The following ABHD12 variants were observed in gnomAD, a reference collection of about 807,000 sequenced individuals.
ABHD12 encodes the protein abhydrolase domain containing 12, lysophospholipase.
Under a neutral mutation model 58.3 loss-of-function variants are expected in ABHD12, and 43 were observed. That is an observed-to-expected ratio of 0.74 (90% confidence interval 0.58 to 0.95). The LOEUF is 0.95. ABHD12 is among the 40% of genes least tolerant of loss of function. The probability of loss-of-function intolerance (pLI) is 0.00; values close to 1 mark genes in which losing one functional copy is unlikely to be tolerated. For missense variants in ABHD12, 539 were observed against 537.2 expected (o/e 1.00, Z -0.03); for synonymous variants, 219 against 211.2 (o/e 1.04, Z -0.32).
At chr20:25,294,850 C>G (rs139575896) in exon 13 of ABHD12, 6 of 1,082,434 alleles carry the variant, frequency 5.5e-6, no homozygotes, top group Admixed American at 5.2e-5. Context: ...AGTTCTTCAC[C>G]GTTGGCAAAA....
chr20:25,322,381 A>ATATATATATATATATTTTTTTTTTT, intron 3 of ABHD12, among the ~76,000 whole-genome samples: 16 of 59,248 alleles, frequency 2.7e-4, no homozygotes, highest in Non-Finnish European at 3.8e-4. Context: ...ATATATATAT[A>ATATATATATATATATTTTTTTTTTT]TTTTTTTTTT....
intron 1 of ABHD12, among the ~76,000 whole-genome samples, chr20:25,377,888 G>C (rs896663799): frequency 2.0e-5 from 3 of 152,260 alleles, no homozygotes; most frequent in African/African-American, 7.2e-5. Context: ...AGGATAGACG[G>C]GGTTTCACCA....
intron 2 of ABHD12, among the ~76,000 whole-genome samples, chr20:25,333,806 C>T (rs983836374): frequency 2.0e-5 from 3 of 151,838 alleles, no homozygotes; most frequent in African/African-American, 7.3e-5. Flanking sequence ...TGGGACACAT[C>T]TCAAAATAAT....
At chr20:25,371,067 C>T (rs1302463234) in intron 1 of ABHD12, among the ~76,000 whole-genome samples, 1 of 152,064 alleles carries the variant, frequency 6.6e-6, no homozygotes, top group Admixed American at 6.5e-5. Context: ...CTGCAACTTA[C>T]CAGAAGCTAT....
chr20:25,388,762 GT>G (rs149328431), intron 1 of ABHD12, among the ~76,000 whole-genome samples: 7,602 of 150,212 alleles, frequency 0.051, 210 homozygotes, highest in Middle Eastern at 0.12. Context: ...TTCCCCAAAC[GT>G]TGTGTAAAAC....
At chr20:25,313,465 T>C (rs1352994705) in intron 6 of ABHD12, among the ~76,000 whole-genome samples, 2 of 151,676 alleles carry the variant, frequency 1.3e-5, no homozygotes, top group Non-Finnish European at 3.0e-5. Context: ...CAGGGTCCTC[T>C]GCCTAGGAAA....
intron 4 of ABHD12, 32 bp from the exon 5 acceptor site, chr20:25,317,110 C>T (rs780720682): frequency 2.0e-5 from 32 of 1,591,926 alleles, no homozygotes; most frequent in Non-Finnish European, 2.5e-5. Flanking sequence ...GGTGTGAGCA[C>T]ATCTTCTCAG....
At chr20:25,373,917 T>C (rs1002142584) in intron 1 of ABHD12, among the ~76,000 whole-genome samples, 8 of 152,120 alleles carry the variant, frequency 5.3e-5, no homozygotes, top group South Asian at 2.1e-4. Flanking sequence ...TCCCATAGCA[T>C]AGTGATGCAT....
At chr20:25,390,489 C>CCCCCCCCCCCCCCCCCA in intron 1 of ABHD12, 24 bp downstream of exon 1, 1 of 1,271,062 alleles carries the variant, frequency 7.9e-7, no homozygotes, top group Non-Finnish European at 1.0e-6. Context: ...CCCCCCCCCC[C>CCCCCCCCCCCCCCCCCA]CCCCGCTCCG....
At chr20:25,343,338 T>G (rs931282991) in intron 1 of ABHD12, among the ~76,000 whole-genome samples, 2 of 152,196 alleles carry the variant, frequency 1.3e-5, no homozygotes, top group Non-Finnish European at 2.9e-5. Flanking sequence ...AACAATCTCT[T>G]TTTAACTTAT....
intron 1 of ABHD12, among the ~76,000 whole-genome samples, chr20:25,381,725 A>G (rs1006329161): frequency 6.7e-6 from 1 of 148,796 alleles, no homozygotes; most frequent in African/African-American, 2.5e-5. Context: ...TGCAGCCTCC[A>G]CCTCCTGGGT....
At chr20:25,385,355 A>AG (rs2090075228) in intron 1 of ABHD12, among the ~76,000 whole-genome samples, 15 of 136,186 alleles carry the variant, frequency 1.1e-4, no homozygotes, top group African/African-American at 4.0e-4. Flanking sequence ...AAAAAAAAAA[A>AG]GAGGAAAACG....
chr20:25,385,263 G>GGAGGC (rs1483460874), intron 1 of ABHD12, among the ~76,000 whole-genome samples: 2 of 150,504 alleles, frequency 1.3e-5, no homozygotes, highest in Non-Finnish European at 2.9e-5. Flanking sequence ...CTTGAAACTG[G>GGAGGC]GAGGCGGAGG....
chr20:25,300,209 A>G (rs1294507920), downstream of ABHD12: 1 of 996,016 alleles, frequency 1.0e-6, no homozygotes, highest in Non-Finnish European at 1.2e-6. Flanking sequence ...GCAGAGAGAC[A>G]AAAGGACCAC....
chr20:25,320,377 C>A (rs948066139), intron 3 of ABHD12, 59 bp from the exon 4 acceptor site: 3 of 1,605,304 alleles, frequency 1.9e-6, no homozygotes, highest in Non-Finnish European at 1.7e-6. Context: ...CTCATCCTGG[C>A]GACTGCACGT....
Position 25,388,168 on chromosome 20 carries a change from T to C in ABHD12, c.191+2345A>G, listed in dbSNP as rs145492784. On this transcript the variant is annotated intron_variant, in intron 1 of 12. Coordinates refer to ENST00000339157, the MANE Select transcript of ABHD12 (RefSeq NM_001042472.3). ...GACACATGAAGAAGGCTCATTAGAT[T>C]GTCTTCTCTACTTCCACGTATGTCG... Among the ~76,000 whole-genome samples the C allele has an allele frequency of 1.8e-4, 28 of 151,658 alleles. No individual in the cohort carries two copies. In the East Asian group the frequency reaches 4.6e-3, roughly 25 times the overall value.
At chr20:25,319,617 A>C (rs1189131033) in intron 4 of ABHD12, among the ~76,000 whole-genome samples, 1 of 152,236 alleles carries the variant, frequency 6.6e-6, no homozygotes, top group African/African-American at 2.4e-5. Context: ...CACTTCAGGC[A>C]GCATGACAGA....
chr20:25,307,606 C>G (rs1189809527), intron 9 of ABHD12, among the ~76,000 whole-genome samples: 2 of 152,260 alleles, frequency 1.3e-5, no homozygotes, highest in East Asian at 1.9e-4. Flanking sequence ...CTGGTCCACA[C>G]AGTCCAGCCC....
intron 1 of ABHD12, among the ~76,000 whole-genome samples, chr20:25,344,562 A>T (rs1355541909): frequency 6.6e-6 from 1 of 152,224 alleles, no homozygotes; most frequent in Admixed American, 6.5e-5. Context: ...CATGGACAGG[A>T]AGGCCCAATA....
Sources: allele counts gnomAD v4.1 joint callset (sites outside exome capture counted in the v4.1 genomes callset), GRCh38; gene constraint gnomAD v4.1.1; transcripts MANE v1.5; gene names NCBI Gene and HGNC (gene_info 2026-07-23, HGNC 2026-07-21).